Variants in FBXL13 observed in about 807,000 individuals in gnomAD.
FBXL13 encodes F-box and leucine rich repeat protein 13.
In FBXL13, 67 loss-of-function variants were observed where a neutral mutation model predicts 83.6. That is an observed-to-expected ratio of 0.80 (90% CI 0.66 to 0.98). The LOEUF is 0.98. FBXL13 is among the 50% of genes least tolerant of loss of function. The probability of loss-of-function intolerance (pLI) is 0.00; values close to 1 mark genes in which losing one functional copy is unlikely to be tolerated. For missense variants in FBXL13, 822 were observed against 866.5 expected (o/e 0.95, Z 0.64); for synonymous variants, 272 against 299.5 (o/e 0.91, Z 0.95).
At chr7:102,951,412 TA>T (rs930676661) in intron 8 of FBXL13, among the ~76,000 whole-genome samples, 7 of 149,168 alleles carry the variant, frequency 4.7e-5, no homozygotes, top group African/African-American at 1.7e-4. Context: ...AAAGTTAATT[TA>T]AAAAAAAACG....
intron 8 of FBXL13, among the ~76,000 whole-genome samples, chr7:102,945,786 A>G (rs953628036): frequency 6.6e-6 from 1 of 152,300 alleles, no homozygotes; most frequent in East Asian, 1.9e-4. Flanking sequence ...CATTTCTTGT[A>G]TCAAGGTATT....
At chr7:103,065,557 TAAAG>T (rs1277148532) in intron 1 of FBXL13, among the ~76,000 whole-genome samples, 1 of 152,116 alleles carries the variant, frequency 6.6e-6, no homozygotes, top group Non-Finnish European at 1.5e-5. Flanking sequence ...TTCTATCTCA[TAAAG>T]AGATTCTAAT....
chr7:103,010,822 G>C (rs1165098274), intron 6 of FBXL13, among the ~76,000 whole-genome samples: 1 of 152,178 alleles, frequency 6.6e-6, no homozygotes, highest in Non-Finnish European at 1.5e-5. Context: ...GGCTGACCTG[G>C]CAAGGATATG....
intron 19 of FBXL13, among the ~76,000 whole-genome samples, chr7:102,819,923 G>A (rs1798569385): frequency 2.0e-5 from 3 of 152,170 alleles, no homozygotes; most frequent in Non-Finnish European, 2.9e-5. Flanking sequence ...GGAGCTGATC[G>A]CAGAAAGCTG....
At chr7:102,976,300 A>C (rs1585210450) in intron 6 of FBXL13, 1 of 665,432 alleles carries the variant, frequency 1.5e-6, no homozygotes, top group Admixed American at 2.3e-5. Context: ...TTCAGGACCC[A>C]CCCAGTCCTC....
At chr7:102,990,901 A>C (rs73410104) in intron 6 of FBXL13, among the ~76,000 whole-genome samples, 27,107 of 152,164 alleles carry the variant, frequency 0.18, 2,571 homozygotes, top group African/African-American at 0.24. Flanking sequence ...GAGGTAGTGG[A>C]GGCTAGAACT....
chr7:102,896,037 C>A (rs1812210299), intron 11 of FBXL13, among the ~76,000 whole-genome samples: 1 of 152,186 alleles, frequency 6.6e-6, no homozygotes, highest in Non-Finnish European at 1.5e-5. Flanking sequence ...GTGTGAAACC[C>A]TGCAGCATGA....
At chr7:103,017,061 T>C (rs1369028662) in intron 6 of FBXL13, among the ~76,000 whole-genome samples, 2 of 152,204 alleles carry the variant, frequency 1.3e-5, no homozygotes, top group African/African-American at 2.4e-5. Context: ...GTAGCCTAAC[T>C]GGGAGGCATC....
intron 6 of FBXL13, among the ~76,000 whole-genome samples, chr7:102,999,897 C>T (rs748376257): frequency 6.6e-6 from 1 of 151,830 alleles, no homozygotes; most frequent in Non-Finnish European, 1.5e-5. Flanking sequence ...TTTATTTCTG[C>T]CCTGATCTTC....
intron 1 of FBXL13, among the ~76,000 whole-genome samples, chr7:103,067,930 T>C (rs1445880897): frequency 6.6e-6 from 1 of 152,210 alleles, no homozygotes; most frequent in Non-Finnish European, 1.5e-5. Flanking sequence ...AGTGCAAAGA[T>C]AATTGAATGA....
intron 16 of FBXL13, among the ~76,000 whole-genome samples, chr7:102,868,052 T>C (rs562107049): frequency 4.6e-5 from 7 of 152,204 alleles, no homozygotes; most frequent in African/African-American, 1.4e-4. Context: ...TTGTGCTTAT[T>C]TATGGGATAC....
chr7:102,892,475 T>A (rs965076615), intron 11 of FBXL13, among the ~76,000 whole-genome samples: 6 of 152,230 alleles, frequency 3.9e-5, no homozygotes, highest in African/African-American at 1.4e-4. Context: ...TTCTACAATT[T>A]TTTTTCAACA....
intron 8 of FBXL13, chr7:102,933,560 G>A (rs755062305): frequency 6.0e-6 from 1 of 165,346 alleles, no homozygotes; most frequent in Non-Finnish European, 1.3e-5. Context: ...GATGACCCAG[G>A]TTGATACAGT....
At chr7:103,023,762 G>GTA (rs1398812003) in intron 6 of FBXL13, among the ~76,000 whole-genome samples, 1 of 152,128 alleles carries the variant, frequency 6.6e-6, no homozygotes, top group South Asian at 2.1e-4. Context: ...TTAAAATGTG[G>GTA]TATATATATA....
chr7:102,963,685 T>G lies in FBXL13; in HGVS notation c.592-20A>C. The stretch of plus-strand genomic sequence containing the variant: ...ATCAATCTAAAAAGAATAAACAAAA[T>G]GCATTAAGAAATGAGAAAGTCCCCA... On this transcript the variant is annotated intron_variant, in intron 7 of 19. Coordinates refer to ENST00000313221, the Ensembl canonical transcript of FBXL13. The G allele has an allele frequency of 6.3e-7, 1 of 1,578,554 alleles. No individual in the cohort carries two copies. Among genetic ancestry groups the G allele is most frequent in the South Asian group, 1.2e-5 (1 of 83,638 alleles).
At chr7:102,999,087 G>T (rs879266721) in intron 6 of FBXL13, among the ~76,000 whole-genome samples, 6 of 151,028 alleles carry the variant, frequency 4.0e-5, no homozygotes, top group Non-Finnish European at 7.4e-5. Flanking sequence ...TTTGAGGTTT[G>T]TTCCTTCTAT....
At chr7:102,842,906 G>A (rs1803213827) in intron 17 of FBXL13, among the ~76,000 whole-genome samples, 1 of 152,216 alleles carries the variant, frequency 6.6e-6, no homozygotes, top group Non-Finnish European at 1.5e-5. Flanking sequence ...CAGACCAAAA[G>A]TCAAATGAAC....
intron 10 of FBXL13, among the ~76,000 whole-genome samples, chr7:102,919,508 G>C (rs533533343): frequency 1.1e-4 from 17 of 152,256 alleles, no homozygotes; most frequent in Non-Finnish European, 2.2e-4. Context: ...AAAATTAATT[G>C]AAGGAACACA....
chr7:102,834,878 A>ATGTGTG (rs57047697), intron 17 of FBXL13, among the ~76,000 whole-genome samples: 184 of 147,160 alleles, frequency 1.3e-3, no homozygotes, highest in Admixed American at 2.7e-3. Context: ...CCATTCCACA[A>ATGTGTG]TGTGTGTGTG....
Sources: gnomAD v4.1 joint callset for allele counts (sites outside exome capture counted in the v4.1 genomes callset) on GRCh38, gnomAD v4.1.1 for gene constraint, MANE v1.5 for transcripts, NCBI Gene and HGNC (gene_info 2026-07-23, HGNC 2026-07-21) for gene names.